Variants in PSG11 observed in about 807,000 individuals in gnomAD.
PSG11 encodes the protein pregnancy specific beta-1-glycoprotein 11, also known as pregnancy-specific beta-1-glycoprotein 11.
Under a neutral mutation model 36.0 loss-of-function variants are expected in PSG11, and 42 were observed. That is an observed-to-expected ratio of 1.17 (90% CI 0.91 to 1.51). The LOEUF (loss-of-function observed/expected upper bound fraction) is 1.51, where lower values mean the gene tolerates loss of function less well. Ranked by LOEUF, PSG11 falls within the 40% of genes most tolerant of loss-of-function variation. PSG11 has a pLI of 0.00. For synonymous variants in PSG11, 206 were observed against 153.5 expected (o/e 1.34, Z -2.53); for missense variants, 558 against 403.5 (o/e 1.38, Z -3.28).
At chr19:43,015,447 G>A in intron 3 of PSG11, 77 bp from the exon 4 acceptor site, 3 of 1,503,502 alleles carry the variant, frequency 2.0e-6, no homozygotes, top group South Asian at 1.3e-5. Flanking sequence ...AAGGGACACA[G>A]TGACCCTCTG....
chr19:43,023,083 A>T (rs1967142106), intron 2 of PSG11, among the ~76,000 whole-genome samples: 1 of 150,840 alleles, frequency 6.6e-6, no homozygotes, highest in African/African-American at 2.5e-5. Context: ...AGCTGCCCCC[A>T]GTTCCACAGT....
At chr19:43,025,716 T>TA (rs568359423) in intron 1 of PSG11, among the ~76,000 whole-genome samples, 79,383 of 147,032 alleles carry the variant, frequency 0.54, 23,312 homozygotes, top group East Asian at 0.99. Flanking sequence ...CATGCCCTGT[T>TA]TATTTTTATT....
At chr19:43,013,572 A>C (rs11669228) in intron 4 of PSG11, among the ~76,000 whole-genome samples, 67,677 of 150,602 alleles carry the variant, frequency 0.45, 16,657 homozygotes, top group East Asian at 0.89. Context: ...CCACCTCACA[A>C]AATTTAGGAT....
chr19:43,021,421 A>G (rs1967098808), intron 2 of PSG11, among the ~76,000 whole-genome samples: 2 of 151,178 alleles, frequency 1.3e-5, no homozygotes, highest in South Asian at 4.2e-4. Context: ...GCATGATCTC[A>G]GCTCACTGCA....
intron 2 of PSG11, among the ~76,000 whole-genome samples, chr19:43,020,460 G>T (rs1156364448): frequency 6.6e-6 from 1 of 151,130 alleles, no homozygotes; most frequent in Admixed American, 6.6e-5. Flanking sequence ...AAGTTGTCAG[G>T]AGATTAGACC....
Position 43,018,867 on chromosome 19 carries a change from T to A in PSG11, c.612A>T (p.Leu204=), listed in dbSNP as rs1967032131. 6.2e-7 allele frequency: 1 copy of A among 1,611,886 alleles called. No homozygotes were observed. The highest frequency in any genetic ancestry group is 1.7e-5 in the Admixed American group (1 of 59,832). ...CTGCAGTATACTTTGTGACACCAAA[T>A]AGAAAGAGGGTCCTGTTGGTTTCAG... ...QLSETNRTLF[L]FGVTKYTAGP... Residue 204 remains leucine (L), a synonymous_variant, in exon 3 of 6, where the codon CTA becomes CTT. Coordinates refer to ENST00000320078, the MANE Select transcript of PSG11 (RefSeq NM_002785.3).
Position 43,010,022 on chromosome 19 carries a change from A to T in PSG11, c.984T>A (p.Thr328=). Residue 328 remains threonine, a synonymous_variant, in exon 5 of 6, where the codon ACT becomes ACA. Transcript: ENST00000320078. ...IRVIAPPGLG[T]FAFNNPT is the part of the protein sequence containing the mutation. Reference sequence around the variant, plus strand: ...GCTACGTTGGATTATTGAAAGCAAAAGTTCCTAATCCTGGAGGAGCTGTCA... The same window carrying T: ...GCTACGTTGGATTATTGAAAGCAAATGTTCCTAATCCTGGAGGAGCTGTCA... 1 of 1,610,108 alleles carries T rather than the reference A, an allele frequency of 6.2e-7. No homozygotes were observed. Among genetic ancestry groups the T allele is most frequent in the Non-Finnish European group, 8.5e-7 (1 of 1,177,398 alleles).
chr19:43,012,325 G>T (rs1568485971), intron 4 of PSG11, among the ~76,000 whole-genome samples: 1 of 151,234 alleles, frequency 6.6e-6, no homozygotes, highest in Admixed American at 6.6e-5. Context: ...TTTTAAAAAA[G>T]ACATTCAAAT....
intron 3 of PSG11, 142 bp from the exon 4 acceptor site, chr19:43,015,512 A>T: frequency 7.5e-7 from 1 of 1,340,534 alleles, no homozygotes; most frequent in South Asian, 1.5e-5. Flanking sequence ...CACTGAGCTG[A>T]AGCCTGAAGT....
chr19:43,010,486 A>C, intron 4 of PSG11: 1 of 1,053,290 alleles, frequency 9.5e-7, no homozygotes, highest in South Asian at 1.7e-5. Flanking sequence ...TTTGCACAGA[A>C]AGCTTCTTTC....
intron 3 of PSG11, among the ~76,000 whole-genome samples, chr19:43,016,760 A>G (rs1460561516): frequency 1.3e-5 from 2 of 151,586 alleles, no homozygotes; most frequent in South Asian, 4.2e-4. Context: ...GCTTTGGAGC[A>G]GAACCATGTT....
chr19:43,014,269 G>C lies in PSG11; in HGVS notation c.964+847C>G, dbSNP rs889751436. 5 of 800,496 alleles carry C rather than the reference G, an allele frequency of 6.2e-6. No homozygotes were observed. In the African/African-American group the frequency reaches 9.5e-5, roughly 15 times the overall value. The allele number at this position is 800,496 out of a possible 1,614,324, so 49.6% of individuals were successfully genotyped here. On this transcript the variant is annotated intron_variant, in intron 4 of 5. Transcript: ENST00000320078. ...TTATATTAGATATATATAGTGTCTGGTAGTCTTACCCTCTCTATAATTACA... is the reference window on the plus strand; with the variant it reads ...TTATATTAGATATATATAGTGTCTGCTAGTCTTACCCTCTCTATAATTACA...
intron 4 of PSG11, chr19:43,010,286 T>A: frequency 6.8e-7 from 1 of 1,477,422 alleles, no homozygotes; most frequent in East Asian, 2.4e-5. Flanking sequence ...TGGAAGGCTT[T>A]CAGACGTGAG....
Position 43,026,324 on chromosome 19 carries a change from C to T in PSG11, c.49G>A (p.Gly17Arg). ...PPCTEHIKWK[G>R]LLLTALLLNF... ...CTCTCCTCACCTGTGAGCAGGAGCC[C>T]CTTCCATTTGATGTGCTCTGTGCAG... is the stretch of plus-strand genomic sequence containing the variant. Residue 17 changes from glycine to arginine, a missense_variant, in exon 1 of 6, where the codon GGG (glycine) becomes AGG (arginine). Transcript: ENST00000320078. 1 of 1,611,118 alleles carries T rather than the reference C, an allele frequency of 6.2e-7. No individual in the cohort carries two copies. Among genetic ancestry groups the T allele is most frequent in the South Asian group, 1.1e-5 (1 of 90,878 alleles).
At chr19:43,016,241 A>G (rs1599673485) in intron 3 of PSG11, among the ~76,000 whole-genome samples, 3 of 151,454 alleles carry the variant, frequency 2.0e-5, no homozygotes, top group Admixed American at 2.0e-4. Flanking sequence ...GCTTCATCTT[A>G]GGAAAGCACA....
rs561750297 is a variant in PSG11 at position 43,017,042 on chromosome 19, A to G, written c.710-1672T>C. Reference sequence around the variant, plus strand: ...CGACTACTCTAGGGACCTCATGTAAATGGATTCCAGAGTGAATATGAGAAG... The same window carrying G: ...CGACTACTCTAGGGACCTCATGTAAGTGGATTCCAGAGTGAATATGAGAAG... On this transcript the variant is annotated intron_variant, in intron 3 of 5. Transcript: ENST00000320078. Among the ~76,000 whole-genome samples, 5 of 151,448 alleles carry G rather than the reference A, an allele frequency of 3.3e-5. 1 individual carries two copies. The highest frequency in any genetic ancestry group is 2.1e-4 in the South Asian group (1 of 4,764).
intron 4 of PSG11, among the ~76,000 whole-genome samples, chr19:43,010,890 CATAT>C (rs10566441): frequency 0.21 from 29,776 of 140,262 alleles, 3,440 homozygotes; most frequent in Non-Finnish European, 0.24. Flanking sequence ...CCTCTTTTTC[CATAT>C]ATATATATAT....
intron 2 of PSG11, among the ~76,000 whole-genome samples, chr19:43,023,381 G>T (rs916305324): frequency 4.6e-5 from 7 of 150,774 alleles, no homozygotes; most frequent in African/African-American, 1.5e-4. Flanking sequence ...GGAGTGAGTG[G>T]GGAAAGAAAA....
intron 2 of PSG11, 92 bp downstream of exon 2, chr19:43,024,599 C>A (rs1967189623): frequency 1.0e-5 from 16 of 1,598,426 alleles, no homozygotes; most frequent in South Asian, 1.1e-5. Context: ...CAGAGAGGGA[C>A]ACAGGCAATG....
Sources: allele counts gnomAD v4.1 joint callset (sites outside exome capture counted in the v4.1 genomes callset), GRCh38; gene constraint gnomAD v4.1.1; transcripts MANE v1.5; gene names NCBI Gene and HGNC (gene_info 2026-07-23, HGNC 2026-07-21).